Variants in EML6 observed in about 807,000 individuals in gnomAD.
The protein encoded by EML6 is EMAP like 6, also known as echinoderm microtubule-associated protein-like 6.
Under a neutral mutation model 240.1 loss-of-function variants are expected in EML6, and 154 were observed. The ratio of observed to expected loss-of-function variants is 0.64; its 90% confidence interval spans 0.56 to 0.73. EML6 has a LOEUF of 0.73. EML6 is among the 30% of genes least tolerant of loss of function. The pLI is 0.00. For missense variants in EML6, 2,964 were observed against 2,474.6 expected (o/e 1.20, Z -4.20); for synonymous variants, 1,148 against 899.0 (o/e 1.28, Z -4.95).
intron 19 of EML6, among the ~76,000 whole-genome samples, chr2:54,894,094 G>A (rs1672630404): frequency 6.6e-6 from 1 of 151,728 alleles, no homozygotes; most frequent in Non-Finnish European, 1.5e-5. Flanking sequence ...ATAAGAATAA[G>A]GATATTTAGT....
rs1215136567 is a variant in EML6 at position 54,963,349 on chromosome 2, CATT to C, written c.5158-632_5158-630del. Among the ~76,000 whole-genome samples the C allele has an allele frequency of 3.4e-4, 52 of 152,308 alleles. 2 individuals carry two copies. Among genetic ancestry groups the C allele is most frequent in the South Asian group, 6.2e-4 (3 of 4,832 alleles). ...TTAGTTTCTGTAATTATTTATTAAA[CATT>C]ATTAGCAACAGCTGTCACTACTTGA... On this transcript the variant is annotated intron_variant, in intron 36 of 41. Transcript: ENST00000356458.
At chr2:54,824,467 C>CT (rs1040524165) in intron 5 of EML6, among the ~76,000 whole-genome samples, 4 of 152,010 alleles carry the variant, frequency 2.6e-5, no homozygotes, top group East Asian at 1.9e-4. Flanking sequence ...GATTTCTCCA[C>CT]TTTTTTTTCC....
At position 54,776,948 on chromosome 2, in the gene EML6, T is replaced by A. The variant is rs550386409; in HGVS notation, c.198-36284T>A. ...ATTTATCCTAATAAATTTAAGAGAT[T>A]CTTTGGTTTAAAAAAAACACCTTTG... On this transcript the variant is annotated intron_variant, in intron 2 of 41. Transcript: ENST00000356458. Among the ~76,000 whole-genome samples, 7 of 152,342 alleles carry A rather than the reference T, an allele frequency of 4.6e-5. No individual in the cohort carries two copies. The East Asian group carries it at 1.3e-3, about 29-fold the overall frequency.
intron 2 of EML6, among the ~76,000 whole-genome samples, chr2:54,807,731 C>A (rs1670573011): frequency 6.6e-6 from 1 of 152,122 alleles, no homozygotes; most frequent in African/African-American, 2.4e-5. Flanking sequence ...GTATGTATTA[C>A]CTTTGCTTTT....
chr2:54,959,933 G>A (rs1169155152), intron 34 of EML6, among the ~76,000 whole-genome samples: 2 of 152,204 alleles, frequency 1.3e-5, no homozygotes, highest in African/African-American at 2.4e-5. Flanking sequence ...ACATTTCTGT[G>A]TTCTAATCTA....
At chr2:54,871,960 G>A (rs1671281687) in intron 16 of EML6, among the ~76,000 whole-genome samples, 1 of 152,182 alleles carries the variant, frequency 6.6e-6, no homozygotes, top group Non-Finnish European at 1.5e-5. Flanking sequence ...GCAAATGTCT[G>A]GCAGTGACTC....
At chr2:54,917,082 T>C (rs1180506912) in intron 26 of EML6, 147 bp downstream of exon 26, 1 of 613,882 alleles carries the variant, frequency 1.6e-6, no homozygotes, top group East Asian at 2.8e-5. Flanking sequence ...CTCCCTGACA[T>C]TGTGTTTGAG....
rs561921447 is a variant in EML6, at chr2:54,822,928, A to G, written c.525+2466A>G. On this transcript the variant is annotated intron_variant, in intron 5 of 41. Coordinates refer to ENST00000356458, the MANE Select transcript of EML6 (RefSeq NM_001039753.4). Reference sequence around the variant, plus strand: ...ACACTTTAGGGCTTCATAAACATTTAATAATCCTGTACCAAGCCCTGATGT... The same window carrying G: ...ACACTTTAGGGCTTCATAAACATTTGATAATCCTGTACCAAGCCCTGATGT... 2.6e-5 allele frequency among the ~76,000 whole-genome samples: 4 copies of G among 152,352 alleles called. No homozygotes were observed. The East Asian group carries it at 5.8e-4, about 22-fold the overall frequency.
rs1274294012 is a variant in EML6, at chr2:54,903,648, C to T, written c.3409+146C>T. ...ATATAAACGACTGTAATTTTACAAC[C>T]CAGAGGCAGCTGCTGCTAACATTTT... On this transcript the variant is annotated intron_variant, in intron 24 of 41. Coordinates refer to ENST00000356458, the MANE Select transcript of EML6 (RefSeq NM_001039753.4). The T allele has an allele frequency of 1.6e-5, 11 of 696,674 alleles. No individual in the cohort carries two copies. The Admixed American group carries it at 3.4e-4, about 22-fold the overall frequency. The allele number at this position is 696,674 out of a possible 1,614,324, so 43.2% of individuals were successfully genotyped here.
chr2:54,897,614 G>C (rs780330344), intron 21 of EML6, among the ~76,000 whole-genome samples: 2 of 152,214 alleles, frequency 1.3e-5, no homozygotes, highest in African/African-American at 4.8e-5. Context: ...TGAGCTATGG[G>C]GTGGCTGGTT....
chr2:54,931,898 C>T (rs985156113), intron 28 of EML6, among the ~76,000 whole-genome samples: 2 of 152,176 alleles, frequency 1.3e-5, no homozygotes, highest in Admixed American at 1.3e-4. Flanking sequence ...GAGAAAAATG[C>T]CTTGAAGGTA....
chr2:54,934,594 G>C (rs1207641338), intron 28 of EML6, among the ~76,000 whole-genome samples: 1 of 152,080 alleles, frequency 6.6e-6, no homozygotes, highest in African/African-American at 2.4e-5. Flanking sequence ...CTGTTGCCCA[G>C]AGTGTAGTAT....
chr2:54,880,375 G>A (rs1411840262), intron 17 of EML6: 1 of 152,184 alleles, frequency 6.6e-6, no homozygotes, highest in Admixed American at 6.5e-5. Context: ...CATTAATGAT[G>A]TCCTTTCTGT....
At chr2:54,871,292 A>G (rs775139272) in intron 15 of EML6, among the ~76,000 whole-genome samples, 2 of 152,180 alleles carry the variant, frequency 1.3e-5, no homozygotes, top group Non-Finnish European at 2.9e-5. Flanking sequence ...TTGGAACTCT[A>G]CCTGATTGCC....
intron 36 of EML6, among the ~76,000 whole-genome samples, chr2:54,963,328 T>C (rs57207110): frequency 0.045 from 6,835 of 152,266 alleles, 514 homozygotes; most frequent in African/African-American, 0.15. Context: ...TTTAAGTTAG[T>C]TTCTGTAATT....
intron 17 of EML6, among the ~76,000 whole-genome samples, chr2:54,890,366 A>C (rs1672400895): frequency 6.6e-6 from 1 of 152,100 alleles, no homozygotes; most frequent in Non-Finnish European, 1.5e-5. Flanking sequence ...ATTATGTCCT[A>C]ATATATCAAA....
chr2:54,929,982 GAATT>G (rs1402543685), intron 28 of EML6, among the ~76,000 whole-genome samples: 1 of 151,756 alleles, frequency 6.6e-6, no homozygotes, highest in Admixed American at 6.6e-5. Flanking sequence ...CTAATTCTAA[GAATT>G]AAGGGGAAAA....
At chr2:54,902,433 T>G (rs996553580) in intron 22 of EML6, among the ~76,000 whole-genome samples, 1 of 152,212 alleles carries the variant, frequency 6.6e-6, no homozygotes, top group African/African-American at 2.4e-5. Flanking sequence ...AGGGTCTCCC[T>G]CTGTCATCCA....
chr2:54,914,247 C>G (rs1399288670), intron 25 of EML6, among the ~76,000 whole-genome samples: 3 of 152,204 alleles, frequency 2.0e-5, no homozygotes, highest in Non-Finnish European at 4.4e-5. Context: ...AACTAAGGCT[C>G]TGTAAGGGCA....
Sources: allele counts gnomAD v4.1 joint callset (sites outside exome capture counted in the v4.1 genomes callset), GRCh38; gene constraint gnomAD v4.1.1; transcripts MANE v1.5; gene names NCBI Gene and HGNC (gene_info 2026-07-23, HGNC 2026-07-21).